The following PRKCB variants were observed in gnomAD, a reference collection of about 807,000 sequenced individuals.
The protein encoded by PRKCB is protein kinase C beta type.
PRKCB carries 13 observed loss-of-function variants against 81.5 expected under a neutral mutation model. That is an observed-to-expected ratio of 0.16 (90% CI 0.10 to 0.25). PRKCB has a LOEUF of 0.25. Among genes scored for constraint, PRKCB ranks in the 10% least tolerant of loss-of-function variants. The pLI, the probability that PRKCB is intolerant of heterozygous loss-of-function variation, is 1.00. For synonymous variants in PRKCB, 335 were observed against 321.4 expected (o/e 1.04, Z -0.45); for missense variants, 509 against 875.7 (o/e 0.58, Z 5.29).
chr16:24,077,266 A>G (rs893528031), intron 5 of PRKCB, among the ~76,000 whole-genome samples: 7 of 152,084 alleles, frequency 4.6e-5, no homozygotes, highest in Admixed American at 3.3e-4. Flanking sequence ...GCCTTGAGAT[A>G]TGGATAGTTT....
chr16:24,191,294 A>T (rs198145), intron 16 of PRKCB, 64 bp downstream of exon 16: 1 of 1,587,080 alleles, frequency 6.3e-7, no homozygotes, highest in South Asian at 1.1e-5. Flanking sequence ...CCTGTGCCTC[A>T]TGTTTTCCAA....
At position 24,123,259 on chromosome 16, in the gene PRKCB, GGT is replaced by G. The variant is rs1416892333; in HGVS notation, c.919-574_919-573del. On this transcript the variant is annotated intron_variant, in intron 8 of 16. Coordinates refer to ENST00000643927, the MANE Select transcript of PRKCB (RefSeq NM_002738.7). ...CATTTGTACCACAGTAGCAGCAGCA[GGT>G]GCAAAGGCCCTGTGGTTGGAGGGGC... 3.9e-5 allele frequency among the ~76,000 whole-genome samples: 6 copies of G among 152,322 alleles called. No homozygotes were observed. In the East Asian group the frequency reaches 1.2e-3, roughly 29 times the overall value.
intron 9 of PRKCB, among the ~76,000 whole-genome samples, chr16:24,137,869 C>T (rs1331296558): frequency 2.6e-5 from 4 of 152,002 alleles, no homozygotes; most frequent in Non-Finnish European, 2.9e-5. Context: ...TTATTCATGC[C>T]GTAGTTGTTT....
At chr16:24,051,808 G>A (rs1049086873) in intron 5 of PRKCB, among the ~76,000 whole-genome samples, 1 of 152,092 alleles carries the variant, frequency 6.6e-6, no homozygotes, top group African/African-American at 2.4e-5. Context: ...CTGAATCCAG[G>A]AGTTCAAGGA....
intron 2 of PRKCB, among the ~76,000 whole-genome samples, chr16:23,960,146 C>T (rs1243264783): frequency 6.6e-6 from 1 of 152,160 alleles, no homozygotes; most frequent in Non-Finnish European, 1.5e-5. Context: ...CAACCAATGA[C>T]TTATGGGAAA....
At chr16:24,173,186 T>G (rs1967471058) in intron 11 of PRKCB, among the ~76,000 whole-genome samples, 1 of 152,200 alleles carries the variant, frequency 6.6e-6, no homozygotes, top group Non-Finnish European at 1.5e-5. Flanking sequence ...GGGAGACTGA[T>G]TCTGGGTTGT....
intron 2 of PRKCB, chr16:23,893,245 A>C (rs2141118330): frequency 6.6e-6 from 1 of 152,424 alleles, no homozygotes; most frequent in East Asian, 1.9e-4. Flanking sequence ...GAGCAGAGGG[A>C]GAAGCCAAGA....
At chr16:24,063,952 A>G (rs1013322495) in intron 5 of PRKCB, among the ~76,000 whole-genome samples, 1 of 152,222 alleles carries the variant, frequency 6.6e-6, no homozygotes, top group Non-Finnish European at 1.5e-5. Context: ...AATGAGTTTC[A>G]AACTGACTGA....
intron 2 of PRKCB, among the ~76,000 whole-genome samples, chr16:23,945,723 A>AAAAG (rs141767122): frequency 1.3e-5 from 2 of 149,868 alleles, no homozygotes; most frequent in African/African-American, 4.9e-5. Context: ...GCTCTCTGGT[A>AAAAG]AAAAAGAAAA....
At chr16:23,869,077 T>G (rs1036069742) in intron 2 of PRKCB, 23 of 453,494 alleles carry the variant, frequency 5.1e-5, no homozygotes, top group Non-Finnish European at 1.0e-4. Context: ...ATTATACATT[T>G]CACACATGGC....
chr16:23,870,476 G>C (rs1343572050), intron 2 of PRKCB, among the ~76,000 whole-genome samples: 1 of 152,250 alleles, frequency 6.6e-6, no homozygotes, highest in Admixed American at 6.5e-5. Context: ...ACTTATCCTA[G>C]CTAGAAAGAG....
chr16:23,888,556 T>G (rs1467153001), intron 2 of PRKCB, among the ~76,000 whole-genome samples: 2 of 152,216 alleles, frequency 1.3e-5, no homozygotes, highest in Non-Finnish European at 2.9e-5. Flanking sequence ...TTTAAGTGTG[T>G]GCTGGTGCCA....
intron 11 of PRKCB, 106 bp from the exon 12 acceptor site, chr16:24,174,412 C>A (rs1967494795): frequency 1.0e-6 from 1 of 1,001,894 alleles, no homozygotes; most frequent in South Asian, 1.6e-5. Context: ...TCCATGGGTT[C>A]TTTAATGTCC....
rs1273663881 is a variant in PRKCB at position 23,912,828 on chromosome 16, ATTTATTTATTTT to A, written c.205+75425_205+75436del. Among the ~76,000 whole-genome samples the A allele has an allele frequency of 1.6e-3, 224 of 142,194 alleles. 1 individual carries two copies. The highest frequency in any genetic ancestry group is 5.6e-3 in the African/African-American group (214 of 38,028). The allele number at this position is 142,194 out of a possible 152,430, so 93.3% of individuals were successfully genotyped here. ...GTGCCTGGCCTTTATTTATTTATTT[ATTTATTTATTTT>A]TTGATATGGAGTCATGCTCTGTTGC... On this transcript the variant is annotated intron_variant, in intron 2 of 16. Coordinates refer to ENST00000643927, the MANE Select transcript of PRKCB (RefSeq NM_002738.7).
chr16:24,107,655 T>G (rs1052316973), intron 7 of PRKCB, among the ~76,000 whole-genome samples: 4 of 152,184 alleles, frequency 2.6e-5, no homozygotes, highest in African/African-American at 7.2e-5. Flanking sequence ...GGCAGCGTCC[T>G]TCACTCACTC....
At chr16:23,937,458 T>C (rs1395260183) in intron 2 of PRKCB, among the ~76,000 whole-genome samples, 1 of 152,222 alleles carries the variant, frequency 6.6e-6, no homozygotes, top group Non-Finnish European at 1.5e-5. Context: ...AAATAACATT[T>C]GGCTATCAAC....
At chr16:24,123,800 C>T in intron 8 of PRKCB, 35 bp from the exon 9 acceptor site, 4 of 1,610,370 alleles carry the variant, frequency 2.5e-6, no homozygotes, top group Non-Finnish European at 3.4e-6. Context: ...GTCCTCAAAC[C>T]CTGAGCATGT....
chr16:24,208,987 T>C (rs1968091791), intron 16 of PRKCB, among the ~76,000 whole-genome samples: 1 of 152,102 alleles, frequency 6.6e-6, no homozygotes, highest in African/African-American at 2.4e-5. Flanking sequence ...ATTTCATTGT[T>C]CTCTGAGGCA....
At chr16:24,021,458 G>A (rs1223974639) in intron 3 of PRKCB, among the ~76,000 whole-genome samples, 1 of 149,058 alleles carries the variant, frequency 6.7e-6, no homozygotes, top group Non-Finnish European at 1.5e-5. Context: ...GGATCTGCCT[G>A]TCTTTGATGC....
Sources: allele counts gnomAD v4.1 joint callset (sites outside exome capture counted in the v4.1 genomes callset), GRCh38; gene constraint gnomAD v4.1.1; transcripts MANE v1.5; gene names NCBI Gene and HGNC (gene_info 2026-07-23, HGNC 2026-07-21).